The following ZNF518A variants were observed in gnomAD, a reference collection of about 807,000 sequenced individuals.
The protein encoded by ZNF518A is zinc finger protein 518.
In ZNF518A, 47 loss-of-function variants were observed where a neutral mutation model predicts 102.7. That is an observed-to-expected ratio of 0.46 (90% CI 0.36 to 0.58). The LOEUF (loss-of-function observed/expected upper bound fraction) is 0.58. ZNF518A is among the 20% of genes least tolerant of loss of function. ZNF518A has a pLI of 0.00. For missense variants in ZNF518A, 1,793 were observed against 1,699.8 expected, an observed-to-expected ratio of 1.05 and a Z score of -0.96; for synonymous variants, 652 against 594.6, an observed-to-expected ratio of 1.10 and a Z score of -1.40.
chr10:96,142,866 C>T (rs911968733), intron 3 of ZNF518A, among the ~76,000 whole-genome samples: 9 of 150,508 alleles, frequency 6.0e-5, no homozygotes, highest in Admixed American at 4.6e-4. Context: ...AGTACAGTGG[C>T]GTGATCCCGG....
rs781872038 is a variant in ZNF518A, at chr10:96,156,753, A to G, written c.431A>G (p.His144Arg). ...CAGAAACACTTTCAAATGTGGCACC[A>G]TGGCGAATTACCTTCATATCCTTGT... ...DLQKHFQMWHHGELPSYPCEM... is the reference protein window; with the variant it reads ...DLQKHFQMWHRGELPSYPCEM... Residue 144 changes from histidine (H) to arginine (R), a missense_variant, in exon 6 of 6, where the codon CAT becomes CGT. Transcript: ENST00000316045. The G allele has an allele frequency of 1.1e-5, 17 of 1,613,828 alleles. No individual in the cohort carries two copies. Among genetic ancestry groups the G allele is most frequent in the Admixed American group, 3.3e-5 (2 of 60,006 alleles).
chr10:96,179,806 TCTC>T (rs1379719993), intron 1 of ZNF518A, among the ~76,000 whole-genome samples: 1 of 151,356 alleles, frequency 6.6e-6, no homozygotes, highest in Non-Finnish European at 1.5e-5. Flanking sequence ...CTCCTCCTCC[TCTC>T]CTCCTTCTCT....
chr10:96,171,484 A>G (rs1282949041), intron 1 of ZNF518A, among the ~76,000 whole-genome samples: 2 of 152,208 alleles, frequency 1.3e-5, no homozygotes, highest in Non-Finnish European at 2.9e-5. Context: ...CACATTTACA[A>G]AGAATGAAAG....
chr10:96,157,909 A>G lies in ZNF518A; in HGVS notation c.1587A>G (p.Lys529=). 1 of 1,613,884 alleles carries G rather than the reference A, an allele frequency of 6.2e-7. No individual in the cohort carries two copies. Among genetic ancestry groups the G allele is most frequent in the Non-Finnish European group, 8.5e-7 (1 of 1,179,770 alleles). The change falls in exon 6 of 6, where the codon AAA becomes AAG. Residue 529 remains lysine (K), a synonymous_variant. Coordinates refer to ENST00000316045, the MANE Select transcript of ZNF518A (RefSeq NM_001330736.2). ...SILSGKASSE[K]EMTLISQRNN... ...TTTCAGGGAAAGCAAGTTCAGAAAAAGAAATGACTTTGATATCTCAAAGGA... is the reference window on the plus strand; with the variant it reads ...TTTCAGGGAAAGCAAGTTCAGAAAAGGAAATGACTTTGATATCTCAAAGGA...
At chr10:96,172,248 A>G (rs1411286677) in intron 1 of ZNF518A, among the ~76,000 whole-genome samples, 3 of 152,146 alleles carry the variant, frequency 2.0e-5, no homozygotes, top group Admixed American at 2.0e-4. Context: ...TTAAAAGGCA[A>G]TCAAATAAAA....
chr10:96,164,365 A>G (rs935795795), downstream of ZNF518A, among the ~76,000 whole-genome samples: 5 of 152,238 alleles, frequency 3.3e-5, no homozygotes, highest in Admixed American at 3.3e-4. Flanking sequence ...TGCTCTCAGC[A>G]TACTACCTTG....
At chr10:96,133,927 T>C (rs1157058638) in intron 3 of ZNF518A, among the ~76,000 whole-genome samples, 6 of 152,228 alleles carry the variant, frequency 3.9e-5, no homozygotes, top group South Asian at 2.1e-4. Flanking sequence ...AGTAACTTTT[T>C]CCTATATAAT....
intron 3 of ZNF518A, among the ~76,000 whole-genome samples, chr10:96,152,589 C>T (rs1218137693): frequency 5.3e-5 from 8 of 152,130 alleles, no homozygotes; most frequent in Non-Finnish European, 5.9e-5. Flanking sequence ...GATGGGAATA[C>T]GTTCTGAGAA....
rs781977800 is a variant in ZNF518A, at chr10:96,190,220, C to T, written n.36-13354C>T. 45 of 759,474 alleles carry T rather than the reference C, an allele frequency of 5.9e-5. 1 individual carries two copies. Among genetic ancestry groups the T allele is most frequent in the African/African-American group, 4.4e-4 (26 of 58,984 alleles). The allele number at this position is 759,474 out of a possible 1,614,324, so 47.0% of individuals were successfully genotyped here. On this transcript the variant is annotated intron_variant and non_coding_transcript_variant, in intron 1 of 2. Coordinates refer to the ZNF518A transcript ENST00000442635. ...CGTCCATGTCCATCGAATCTTCCATCAGGTGGCGGCACACACTTAGGTGGG... is the reference window on the plus strand; with the variant it reads ...CGTCCATGTCCATCGAATCTTCCATTAGGTGGCGGCACACACTTAGGTGGG...
chr10:96,197,925 G>GAAAGAA (rs762662405), intron 1 of ZNF518A, among the ~76,000 whole-genome samples: 34 of 132,520 alleles, frequency 2.6e-4, no homozygotes, highest in Non-Finnish European at 4.9e-4. Flanking sequence ...AAAAAAAAAA[G>GAAAGAA]AAAGAAAAAG....
At chr10:96,139,334 C>A (rs12573650) in intron 3 of ZNF518A, among the ~76,000 whole-genome samples, 4,689 of 152,120 alleles carry the variant, frequency 0.031, 240 homozygotes, top group East Asian at 0.17. Context: ...TACATTGAAA[C>A]CTATTCTCCA....
At chr10:96,134,221 T>TTTTTG (rs1182330649) in intron 3 of ZNF518A, among the ~76,000 whole-genome samples, 12 of 152,020 alleles carry the variant, frequency 7.9e-5, no homozygotes, top group African/African-American at 1.4e-4. Context: ...GTTCCAAGCT[T>TTTTTG]TTTTGTTTTG....
chr10:96,160,522 T>C lies in ZNF518A; in HGVS notation c.4200T>C (p.Tyr1400=), dbSNP rs41291608. Residue 1400 remains tyrosine, a synonymous_variant, in exon 6 of 6, where the codon TAT becomes TAC. Coordinates refer to ENST00000316045, the MANE Select transcript of ZNF518A (RefSeq NM_001330736.2). ...GTTATAACCCTCCTAAAACAACTTATGATGATTTTTCCAAGAGGCACAAAA... is the reference window on the plus strand; with the variant it reads ...GTTATAACCCTCCTAAAACAACTTACGATGATTTTTCCAAGAGGCACAAAA... ...PVCYNPPKTT[Y]DDFSKRHKTF... The C allele has an allele frequency of 0.022, 35,781 of 1,612,376 alleles. 582 individuals are homozygous for C. The highest frequency in any genetic ancestry group is 0.024 in the Non-Finnish European group (28,817 of 1,179,324).
Position 96,162,132 on chromosome 10 carries a change from GCTT to G in ZNF518A, c.*1362_*1364del, listed in dbSNP as rs782247061. On this transcript the variant is annotated 3_prime_UTR_variant, in exon 6 of 6. Transcript: ENST00000316045. The stretch of plus-strand genomic sequence containing the variant: ...TTCATTAATGGATGAAAACTTCAGG[GCTT>G]CTTTTCTGTATATAACAAATTAAGT... The G allele has an allele frequency of 5.4e-5, 9 of 166,874 alleles. No homozygotes were observed. Among genetic ancestry groups the G allele is most frequent in the South Asian group, 2.1e-4 (1 of 4,822 alleles). 10.3% of individuals were successfully genotyped at this position (166,874 alleles called of 1,614,324 possible).
At position 96,183,927 on chromosome 10, in the gene ZNF518A, C is replaced by T. The variant is rs1450522607; in HGVS notation, n.36-19647C>T. On this transcript the variant is annotated intron_variant and non_coding_transcript_variant, in intron 1 of 2. Transcript: ENST00000442635. ...TTGACAATGGGGTGTTAAATTCTCC[C>T]ATTATTATTGTTGGGTATCTAAATC... Among the ~76,000 whole-genome samples, 5 of 152,104 alleles carry T rather than the reference C, an allele frequency of 3.3e-5. No homozygotes were observed. In the East Asian group the frequency reaches 7.7e-4, roughly 23 times the overall value.
chr10:96,197,913 C>CAAA lies in ZNF518A; in HGVS notation n.36-5652_36-5650dup, dbSNP rs587730449. Reference sequence around the variant, plus strand: ...CCTGGGTGACAGAGCGAGACAACATCAAAAAAAAAAAGAAAGAAAAAGAAA... The same window carrying CAAA: ...CCTGGGTGACAGAGCGAGACAACATCAAAAAAAAAAAAAAGAAAGAAAAAGAAA... On this transcript the variant is annotated intron_variant and non_coding_transcript_variant, in intron 1 of 2. Coordinates refer to the ZNF518A transcript ENST00000442635. Among the ~76,000 whole-genome samples, 708 of 128,320 alleles carry CAAA rather than the reference C, an allele frequency of 5.5e-3. 8 individuals are homozygous for CAAA. The highest frequency in any genetic ancestry group is 0.016 in the Middle Eastern group (4 of 258). The allele number at this position is 128,320 out of a possible 152,430, so 84.2% of individuals were successfully genotyped here.
intron 1 of ZNF518A, chr10:96,190,340 T>A: frequency 3.7e-6 from 2 of 547,076 alleles, no homozygotes; most frequent in Non-Finnish European, 6.6e-6. Flanking sequence ...TGTCTCTTCA[T>A]ATAGTCTTCT....
In ZNF518A at chr10:96,158,768, T is replaced by A; in HGVS notation, c.2446T>A (p.Ser816Thr). ...NKGLPLHCDQ[S>T]FQKHEREGKI... ...AGGCTTGCCACTTCATTGTGACCAG[T>A]CATTTCAAAAACACGAGAGAGAAGG... The change falls in exon 6 of 6, where the codon TCA becomes ACA. Residue 816 changes from serine (S) to threonine (T), a missense_variant. By Grantham distance (58) the Ser-to-Thr change is moderately conservative. This residue lies in a region of ZNF518A where 1,741 missense variants were observed against 1,622.6 expected (regional missense o/e 1.07). Transcript: ENST00000316045. 1 of 1,613,458 alleles carries A rather than the reference T, an allele frequency of 6.2e-7. No individual in the cohort carries two copies. Among genetic ancestry groups the A allele is most frequent in the Non-Finnish European group, 8.5e-7 (1 of 1,179,598 alleles).
At chr10:96,136,144 C>G (rs1205510110) in intron 3 of ZNF518A, among the ~76,000 whole-genome samples, 1 of 151,814 alleles carries the variant, frequency 6.6e-6, no homozygotes. Flanking sequence ...AATTTTGGCC[C>G]TTTCTACTAA....
Sources: gnomAD v4.1 joint callset for allele counts (sites outside exome capture counted in the v4.1 genomes callset) on GRCh38, gnomAD v4.1.1 for gene constraint, gnomAD v4.1.1 regional missense constraint, MANE v1.5 for transcripts, NCBI Gene and HGNC (gene_info 2026-07-23, HGNC 2026-07-21) for gene names.